Variants in RPH3AL observed in about 807,000 individuals in gnomAD.
The protein encoded by RPH3AL is rabphilin 3A like (without C2 domains), also known as rab effector Noc2.
In RPH3AL, 38 loss-of-function variants were observed where a neutral mutation model predicts 43.1. That is an observed-to-expected ratio of 0.88 (90% CI 0.68 to 1.15). The LOEUF (loss-of-function observed/expected upper bound fraction) is 1.15. RPH3AL is among the 50% of genes most tolerant of loss of function. The pLI is 0.00. For missense variants in RPH3AL, 462 were observed against 423.2 expected (o/e 1.09, Z -0.81); for synonymous variants, 189 against 176.3 (o/e 1.07, Z -0.57).
At chr17:222,714 C>A (rs1211325981) in intron 7 of RPH3AL, among the ~76,000 whole-genome samples, 1 of 152,212 alleles carries the variant, frequency 6.6e-6, no homozygotes. Flanking sequence ...GTATAAACTG[C>A]ACCCGTATTG....
intron 3 of RPH3AL, among the ~76,000 whole-genome samples, chr17:326,390 G>A (rs2044620974): frequency 6.6e-6 from 1 of 152,196 alleles, no homozygotes; most frequent in African/African-American, 2.4e-5. Context: ...GCTTGCTCCC[G>A]TAATTGGCAT....
chr17:332,866 G>A (rs1225035652), intron 2 of RPH3AL: 11 of 531,754 alleles, frequency 2.1e-5, no homozygotes, highest in Admixed American at 1.4e-4. Flanking sequence ...CGGGCTGGCC[G>A]GCCCAGCAGG....
At chr17:327,349 C>T (rs2044642810) in intron 3 of RPH3AL, 118 bp downstream of exon 3, 1 of 880,880 alleles carries the variant, frequency 1.1e-6, no homozygotes, top group Non-Finnish European at 1.9e-6. Context: ...ATGCATCCGA[C>T]AGGCACCTCT....
At chr17:271,594 C>T (rs2042464438) in intron 6 of RPH3AL, among the ~76,000 whole-genome samples, 1 of 152,124 alleles carries the variant, frequency 6.6e-6, no homozygotes, top group Non-Finnish European at 1.5e-5. Flanking sequence ...TATAGGAATG[C>T]TTGTGATTAT....
At chr17:253,397 C>T (rs1027855652) in intron 6 of RPH3AL, among the ~76,000 whole-genome samples, 14 of 152,144 alleles carry the variant, frequency 9.2e-5, no homozygotes, top group Admixed American at 2.0e-4. Context: ...ACTGTGGGGC[C>T]GAGAACCTCA....
intron 6 of RPH3AL, among the ~76,000 whole-genome samples, chr17:266,579 C>T (rs1486859980): frequency 6.6e-6 from 1 of 152,226 alleles, no homozygotes; most frequent in African/African-American, 2.4e-5. Flanking sequence ...GCAAAGCTCC[C>T]CACTCAGCCC....
intron 6 of RPH3AL, among the ~76,000 whole-genome samples, chr17:271,499 G>C (rs536804467): frequency 1.3e-5 from 2 of 152,172 alleles, no homozygotes; most frequent in Non-Finnish European, 2.9e-5. Context: ...CACATCCTTT[G>C]TAAGTTGGAT....
intron 7 of RPH3AL, among the ~76,000 whole-genome samples, chr17:232,579 C>G (rs973994899): frequency 5.3e-5 from 8 of 152,198 alleles, no homozygotes; most frequent in Admixed American, 5.2e-4. Flanking sequence ...GCAGCGTCAC[C>G]CCCCTCCCCT....
intron 1 of RPH3AL, among the ~76,000 whole-genome samples, chr17:335,419 G>A (rs562848577): frequency 5.3e-5 from 8 of 152,218 alleles, no homozygotes; most frequent in Middle Eastern, 3.4e-3. Flanking sequence ...ACCAGGGGTG[G>A]CTGGTGCCCT....
chr17:217,455 C>G (rs1389277588), intron 8 of RPH3AL, among the ~76,000 whole-genome samples: 2 of 51,120 alleles, frequency 3.9e-5, no homozygotes, highest in African/African-American at 4.7e-5. Flanking sequence ...TCGCTGAAAT[C>G]AGGACCCCCA....
At position 267,950 on chromosome 17, in the gene RPH3AL, T is replaced by G. The variant is rs936595221; in HGVS notation, c.438+13818A>C. On this transcript the variant is annotated intron_variant, in intron 6 of 9. Coordinates refer to ENST00000331302, the MANE Select transcript of RPH3AL (RefSeq NM_006987.4). Reference sequence around the variant, plus strand: ...AGAATCATATTCCAGTAAATACCTGTGAGCTCATCAAGAAATAAAATGGTG... The same window carrying G: ...AGAATCATATTCCAGTAAATACCTGGGAGCTCATCAAGAAATAAAATGGTG... Among the ~76,000 whole-genome samples the G allele has an allele frequency of 2.0e-5, 3 of 152,212 alleles. No homozygotes were observed. In the East Asian group the frequency reaches 5.8e-4, roughly 29 times the overall value.
rs78126677 is a variant in RPH3AL at position 327,925 on chromosome 17, C to G, written c.-36-346G>C. Among the ~76,000 whole-genome samples, 60 of 152,294 alleles carry G rather than the reference C, an allele frequency of 3.9e-4. 2 individuals carry two copies. In the East Asian group the frequency reaches 9.7e-3, roughly 25 times the overall value. On this transcript the variant is annotated intron_variant, in intron 2 of 9. Coordinates refer to ENST00000331302, the MANE Select transcript of RPH3AL (RefSeq NM_006987.4). ...CCTGGAGGCCATCTGCTCCCTGCCC[C>G]CTCCCAGTACAGCAGGGGCCGAACT...
intron 5 of RPH3AL, among the ~76,000 whole-genome samples, chr17:299,709 C>T (rs143749769): frequency 2.5e-3 from 380 of 152,358 alleles, no homozygotes; most frequent in Non-Finnish European, 4.0e-3. Context: ...ACGAGGTGTG[C>T]GGCACGGGGC....
At chr17:309,399 G>A (rs941669064) in intron 5 of RPH3AL, among the ~76,000 whole-genome samples, 8 of 137,802 alleles carry the variant, frequency 5.8e-5, no homozygotes, top group South Asian at 4.9e-4. Context: ...CATGTACCCC[G>A]CCCTGCCCAG....
At chr17:232,161 G>A (rs1051147779) in intron 7 of RPH3AL, among the ~76,000 whole-genome samples, 1 of 151,670 alleles carries the variant, frequency 6.6e-6, no homozygotes, top group African/African-American at 2.4e-5. Context: ...TGAGATTTAG[G>A]GAAAGGGCAG....
chr17:250,265 CGGG>C (rs2041865554), intron 6 of RPH3AL, among the ~76,000 whole-genome samples: 1 of 124,506 alleles, frequency 8.0e-6, no homozygotes. Flanking sequence ...TCCGTCGCTG[CGGG>C]ACCTCTCAGA....
rs1364823538 is a variant in RPH3AL, at chr17:327,481, A to G, written c.63T>C (p.Leu21=). ...GAGGTACTCACTTGGCTCGAAGGGC[A>G]AGCTGCCGGTCATTGGGGCAAACCC... ...DQWVCPNDRQ[L]ALRAKLQTGW... Residue 21 remains leucine, a synonymous_variant, in exon 3 of 10, where the codon CTT becomes CTC. Transcript: ENST00000331302. 6.2e-7 allele frequency: 1 copy of G among 1,613,898 alleles called. No homozygotes were observed. The highest frequency in any genetic ancestry group is 1.7e-5 in the Admixed American group (1 of 60,010).
At position 264,015 on chromosome 17, in the gene RPH3AL, C is replaced by T. The variant is rs1174154197; in HGVS notation, c.439-16730G>A. Among the ~76,000 whole-genome samples the T allele has an allele frequency of 1.3e-5, 2 of 152,170 alleles. No individual in the cohort carries two copies. Among genetic ancestry groups the T allele is most frequent in the African/African-American group, 4.8e-5 (2 of 41,440 alleles). On this transcript the variant is annotated intron_variant, in intron 6 of 9. Transcript: ENST00000331302. This position sits in a 1 kb window ranked among gnomAD's most constrained non-coding sequence, Gnocchi z 4.8. ...TATCGTGCTGTTAGCGGACGCGATG[C>T]TGCTTTCCAAGATGGCTGGGCGGGG...
In RPH3AL at chr17:319,425, T is replaced by C. The variant is rs1598121885; in HGVS notation, c.346A>G (p.Arg116Gly). 3.7e-6 allele frequency: 6 copies of C among 1,612,048 alleles called. No homozygotes were observed. Among genetic ancestry groups the C allele is most frequent in the African/African-American group, 2.7e-5 (2 of 75,046 alleles). ...GGGCCAGAGCAGGGTCTTACCTTCC[T>C]GCAGTCTTTGCAGAACACCGACGAG... ...GSSSVFCKDC[R>G]KKVCTKCGIE... Residue 116 changes from arginine (R) to glycine (G), a missense_variant, in exon 5 of 10, where the codon AGG becomes GGG. Coordinates refer to ENST00000331302, the MANE Select transcript of RPH3AL (RefSeq NM_006987.4).
Sources: allele counts gnomAD v4.1 joint callset (sites outside exome capture counted in the v4.1 genomes callset), GRCh38; gene constraint gnomAD v4.1.1; non-coding constraint Gnocchi (gnomAD v3.1); transcripts MANE v1.5; gene names NCBI Gene and HGNC (gene_info 2026-07-23, HGNC 2026-07-21).